The following CPED1 variants were observed in gnomAD, a reference collection of about 807,000 sequenced individuals.
CPED1 encodes the protein cadherin-like and PC-esterase domain-containing protein 1.
CPED1 carries 114 observed loss-of-function variants against 128.2 expected under a neutral mutation model. The ratio of observed to expected loss-of-function variants is 0.89; its 90% CI spans 0.76 to 1.04. The LOEUF is 1.04. Among genes scored for constraint, CPED1 ranks in the 50% least tolerant of loss-of-function variants. The pLI is 0.00. For synonymous variants in CPED1, 462 were observed against 426.7 expected (o/e 1.08, Z -1.02); for missense variants, 1,211 against 1,207.1 (o/e 1.00, Z -0.05).
At chr7:121,124,204 G>A (rs142486946) in intron 7 of CPED1, 127 bp from the exon 8 acceptor site, 3 of 644,910 alleles carry the variant, frequency 4.7e-6, no homozygotes, top group East Asian at 6.0e-5. Flanking sequence ...TACTGATTAG[G>A]TGAGGGTGGG....
intron 16 of CPED1, among the ~76,000 whole-genome samples, chr7:121,153,375 C>T (rs1796203754): frequency 6.6e-6 from 1 of 152,154 alleles, no homozygotes; most frequent in Admixed American, 6.5e-5. Context: ...TTCCAAATGA[C>T]TTTTAGATAT....
chr7:121,081,957 C>A (rs954747384), intron 5 of CPED1, among the ~76,000 whole-genome samples: 1 of 152,114 alleles, frequency 6.6e-6, no homozygotes, highest in Non-Finnish European at 1.5e-5. Flanking sequence ...CTTTTCATGG[C>A]GCATTTTGCC....
chr7:121,089,813 T>G (rs1794530451), intron 5 of CPED1, among the ~76,000 whole-genome samples: 1 of 152,230 alleles, frequency 6.6e-6, no homozygotes, highest in African/African-American at 2.4e-5. Context: ...CTCATTAATT[T>G]ATACTAAATT....
chr7:121,099,657 C>G (rs1014132109), intron 6 of CPED1, among the ~76,000 whole-genome samples: 2 of 152,180 alleles, frequency 1.3e-5, no homozygotes, highest in Non-Finnish European at 2.9e-5. Flanking sequence ...TAAGTCACTA[C>G]GCTCAGCCAC....
chr7:121,114,465 G>T (rs1175931438), intron 7 of CPED1, among the ~76,000 whole-genome samples: 1 of 152,184 alleles, frequency 6.6e-6, no homozygotes, highest in Non-Finnish European at 1.5e-5. Context: ...AGACAGACTT[G>T]CTTCTGTAAA....
At chr7:121,271,162 C>G in intron 21 of CPED1, 122 bp from the exon 22 acceptor site, 1 of 671,092 alleles carries the variant, frequency 1.5e-6, no homozygotes, top group Non-Finnish European at 2.4e-6. Context: ...ATGTGAAGTT[C>G]CTTATCTTAC....
intron 7 of CPED1, among the ~76,000 whole-genome samples, chr7:121,121,366 G>T (rs1795383009): frequency 6.6e-6 from 1 of 152,098 alleles, no homozygotes; most frequent in South Asian, 2.1e-4. Context: ...ACTAGTTATT[G>T]CTTGAATTTT....
intron 16 of CPED1, among the ~76,000 whole-genome samples, chr7:121,159,023 A>AC (rs1796353203): frequency 1.3e-5 from 2 of 151,954 alleles, no homozygotes; most frequent in African/African-American, 2.4e-5. Flanking sequence ...TAAAGTGCCA[A>AC]CCCCCCGAAA....
intron 18 of CPED1, among the ~76,000 whole-genome samples, chr7:121,260,703 T>C (rs894578458): frequency 4.4e-5 from 6 of 136,286 alleles, no homozygotes; most frequent in African/African-American, 1.5e-4. Flanking sequence ...CCTGGATTCA[T>C]GGACAATTAG....
chr7:121,294,321 A>G (rs1455397326), intron 22 of CPED1, among the ~76,000 whole-genome samples: 1 of 152,134 alleles, frequency 6.6e-6, no homozygotes, highest in African/African-American at 2.4e-5. Context: ...CAGAAATAGG[A>G]AATAAACTTT....
At chr7:121,163,522 C>A (rs1268881833) in intron 16 of CPED1, among the ~76,000 whole-genome samples, 1 of 152,238 alleles carries the variant, frequency 6.6e-6, no homozygotes, top group Non-Finnish European at 1.5e-5. Context: ...TCTGCCTTTG[C>A]TGCTGAACAT....
intron 5 of CPED1, among the ~76,000 whole-genome samples, chr7:121,083,418 G>T (rs1188722302): frequency 2.0e-5 from 3 of 152,070 alleles, no homozygotes; most frequent in Non-Finnish European, 2.9e-5. Flanking sequence ...TCTTGGGAGG[G>T]TTTATGATAG....
rs569652002 is a variant in CPED1 at position 121,056,276 on chromosome 7, A to G, written c.541-7962A>G. Among the ~76,000 whole-genome samples the G allele has an allele frequency of 1.1e-4, 17 of 152,314 alleles. 1 individual carries two copies. The highest frequency in any genetic ancestry group is 6.2e-4 in the South Asian group (3 of 4,828). The stretch of plus-strand genomic sequence containing the variant: ...TACATTTAACTAAATATTCTATCAT[A>G]CATGTATGTTAGTTCTACCATCAGG... On this transcript the variant is annotated intron_variant, in intron 4 of 22. Coordinates refer to ENST00000310396, the MANE Select transcript of CPED1 (RefSeq NM_024913.5).
chr7:121,119,694 C>T (rs976643065), intron 7 of CPED1, among the ~76,000 whole-genome samples: 4 of 151,796 alleles, frequency 2.6e-5, no homozygotes, highest in Admixed American at 1.3e-4. Context: ...ATACATGTAA[C>T]GTGAAATGTA....
chr7:121,233,376 A>T (rs546596619), intron 16 of CPED1, among the ~76,000 whole-genome samples: 10 of 152,030 alleles, frequency 6.6e-5, no homozygotes, highest in South Asian at 2.1e-4. Flanking sequence ...CCAAGAGATG[A>T]CACTTAAGAC....
chr7:121,128,368 C>G lies in CPED1; in HGVS notation c.1303-14C>G, dbSNP rs781110240. On this transcript the variant is annotated splice_polypyrimidine_tract_variant and intron_variant, in intron 10 of 22. Coordinates refer to ENST00000310396, the MANE Select transcript of CPED1 (RefSeq NM_024913.5). Reference sequence around the variant, plus strand: ...TTTAACAATTGCTTAAGTTCTTTCCCCCTACCAATACAGGGTGAAAACTAT... The same window carrying G: ...TTTAACAATTGCTTAAGTTCTTTCCGCCTACCAATACAGGGTGAAAACTAT... 8 of 1,400,364 alleles carry G rather than the reference C, an allele frequency of 5.7e-6. No homozygotes were observed. Among genetic ancestry groups the G allele is most frequent in the Admixed American group, 1.7e-5 (1 of 58,802 alleles). 86.7% of individuals were successfully genotyped at this position (1,400,364 alleles called of 1,614,324 possible).
chr7:121,084,649 A>G (rs891558899), intron 5 of CPED1, among the ~76,000 whole-genome samples: 3 of 152,266 alleles, frequency 2.0e-5, no homozygotes, highest in Non-Finnish European at 4.4e-5. Context: ...AAAATTCAGT[A>G]TGTAATAAAA....
intron 16 of CPED1, among the ~76,000 whole-genome samples, chr7:121,213,458 A>G (rs1309555534): frequency 6.6e-6 from 1 of 151,966 alleles, no homozygotes; most frequent in African/African-American, 2.4e-5. Flanking sequence ...CTCCTTGTCA[A>G]CTGTTTAGGA....
intron 18 of CPED1, among the ~76,000 whole-genome samples, chr7:121,254,909 T>TAAA (rs58987925): frequency 5.1e-4 from 75 of 147,220 alleles, no homozygotes; most frequent in Non-Finnish European, 7.5e-4. Flanking sequence ...AATCAGTAAT[T>TAAA]AAAAAAAAAA....
Sources: allele counts gnomAD v4.1 joint callset (sites outside exome capture counted in the v4.1 genomes callset), GRCh38; gene constraint gnomAD v4.1.1; transcripts MANE v1.5; gene names NCBI Gene and HGNC (gene_info 2026-07-23, HGNC 2026-07-21).